The following SLC38A1 variants were observed in gnomAD, a reference collection of about 807,000 sequenced individuals.
The protein encoded by SLC38A1 is solute carrier family 38 member 1.
SLC38A1 carries 18 observed loss-of-function variants against 60.3 expected under a neutral mutation model. The observed-to-expected ratio is 0.30, with a 90% CI of 0.21 to 0.44. SLC38A1 has a LOEUF of 0.44. SLC38A1 is among the 20% of genes least tolerant of loss of function. The pLI, the probability that SLC38A1 is intolerant of heterozygous loss-of-function variation, is 1.00. For synonymous variants in SLC38A1, 196 were observed against 212.1 expected, an observed-to-expected ratio of 0.92 and a Z score of 0.66; for missense variants, 448 against 587.2, an observed-to-expected ratio of 0.76 and a Z score of 2.45.
chr12:46,247,121 C>T (rs1321894339), intron 1 of SLC38A1, among the ~76,000 whole-genome samples: 1 of 152,164 alleles, frequency 6.6e-6, no homozygotes, highest in Non-Finnish European at 1.5e-5. Flanking sequence ...CAGAGCGCCT[C>T]TTCTCCTCCA....
intron 5 of SLC38A1, 136 bp downstream of exon 5, chr12:46,229,017 T>C (rs1018834057): frequency 2.0e-6 from 1 of 506,984 alleles, no homozygotes; most frequent in Non-Finnish European, 3.5e-6. Flanking sequence ...GCAATAAATA[T>C]CAAAGTATGT....
At chr12:46,190,228 G>T (rs1361369197) in intron 16 of SLC38A1, among the ~76,000 whole-genome samples, 2 of 152,046 alleles carry the variant, frequency 1.3e-5, no homozygotes, top group South Asian at 4.2e-4. Flanking sequence ...TAAAATGATG[G>T]TTTCTAGCTT....
chr12:46,228,303 A>C (rs537384945), intron 5 of SLC38A1, among the ~76,000 whole-genome samples: 1 of 152,204 alleles, frequency 6.6e-6, no homozygotes, highest in Non-Finnish European at 1.5e-5. Flanking sequence ...TTTTGAAAGG[A>C]TATCCACAGT....
At chr12:46,205,307 A>G (rs2137152042) in intron 9 of SLC38A1, among the ~76,000 whole-genome samples, 1 of 152,296 alleles carries the variant, frequency 6.6e-6, no homozygotes, top group African/African-American at 2.4e-5. Context: ...AAAAAAATCT[A>G]TTTATAAACC....
At chr12:46,232,834 A>G (rs1300955101) in intron 3 of SLC38A1, among the ~76,000 whole-genome samples, 1 of 152,244 alleles carries the variant, frequency 6.6e-6, no homozygotes, top group Non-Finnish European at 1.5e-5. Context: ...TAGACTACTT[A>G]TAATACCTAA....
chr12:46,194,084 T>C (rs1290219623), intron 16 of SLC38A1, among the ~76,000 whole-genome samples: 4 of 152,232 alleles, frequency 2.6e-5, no homozygotes, highest in Non-Finnish European at 5.9e-5. Context: ...GTTGGTCCTT[T>C]CCATGTTTAG....
intron 1 of SLC38A1, among the ~76,000 whole-genome samples, chr12:46,259,272 T>G (rs1366020449): frequency 6.6e-6 from 1 of 152,178 alleles, no homozygotes; most frequent in Non-Finnish European, 1.5e-5. Flanking sequence ...CTTGGGGTTC[T>G]TGGATCCTCA....
At chr12:46,205,990 G>T in intron 9 of SLC38A1, 90 bp downstream of exon 9, 1 of 721,462 alleles carries the variant, frequency 1.4e-6, no homozygotes, top group Non-Finnish European at 2.4e-6. Context: ...GCATGCAGAG[G>T]GGAAGCAGAG....
intron 16 of SLC38A1, among the ~76,000 whole-genome samples, chr12:46,195,237 G>C (rs1164490924): frequency 6.6e-6 from 1 of 151,216 alleles, no homozygotes; most frequent in Non-Finnish European, 1.5e-5. Context: ...GTCCACTCCA[G>C]AATCTGTTTG....
At chr12:46,216,154 T>A (rs1236440641) in intron 5 of SLC38A1, among the ~76,000 whole-genome samples, 1 of 152,176 alleles carries the variant, frequency 6.6e-6, no homozygotes, top group Non-Finnish European at 1.5e-5. Context: ...ATCTTCACCT[T>A]GCACTTTCCC....
intron 1 of SLC38A1, among the ~76,000 whole-genome samples, chr12:46,261,437 A>C: frequency 6.6e-6 from 1 of 152,184 alleles, no homozygotes; most frequent in East Asian, 1.9e-4. Context: ...TACATCTCAA[A>C]GGTCTAGTAT....
At chr12:46,248,649 C>A (rs562837277) in intron 1 of SLC38A1, among the ~76,000 whole-genome samples, 2 of 152,182 alleles carry the variant, frequency 1.3e-5, no homozygotes, top group African/African-American at 4.8e-5. Flanking sequence ...AAGACTTGAA[C>A]TCATCTTTGC....
rs779136486 is a variant in SLC38A1, at chr12:46,239,744, G to A, written c.57C>T (p.Pro19=). The A allele has an allele frequency of 1.9e-5, 31 of 1,612,966 alleles. No individual in the cohort carries two copies. The highest frequency in any genetic ancestry group is 8.8e-5 in the South Asian group (8 of 91,056). ...ELTELQNMTV[P]EDDNISNDSN... is the part of the protein sequence containing the mutation. Reference sequence around the variant, plus strand: ...AGTCATTGCTAATGTTATCATCCTCGGGCACTGTCATGTTTTGCAACTCAG... The same window carrying A: ...AGTCATTGCTAATGTTATCATCCTCAGGCACTGTCATGTTTTGCAACTCAG... The change falls in exon 3 of 17, where the codon CCC becomes CCT. Residue 19 remains proline, a synonymous_variant. Coordinates refer to ENST00000398637, the MANE Select transcript of SLC38A1 (RefSeq NM_030674.4).
chr12:46,208,363 T>C (rs1168071811), intron 6 of SLC38A1, among the ~76,000 whole-genome samples: 2 of 152,226 alleles, frequency 1.3e-5, no homozygotes, highest in African/African-American at 2.4e-5. Context: ...CGGAGAGCAA[T>C]ATGGGACAGG....
chr12:46,229,795 C>T (rs1164416791), intron 3 of SLC38A1, among the ~76,000 whole-genome samples, 156 bp from the exon 4 acceptor site: 3 of 152,210 alleles, frequency 2.0e-5, no homozygotes, highest in Non-Finnish European at 4.4e-5. Context: ...CTCCCCCCAC[C>T]TTTTTTTCTT....
chr12:46,225,276 C>G (rs997312592), intron 5 of SLC38A1, among the ~76,000 whole-genome samples: 5 of 152,118 alleles, frequency 3.3e-5, no homozygotes, highest in Non-Finnish European at 7.3e-5. Context: ...ATCTGTTGAA[C>G]TTTTTTCAAG....
intron 5 of SLC38A1, among the ~76,000 whole-genome samples, chr12:46,215,286 C>A (rs1349631868): frequency 6.6e-6 from 1 of 152,226 alleles, no homozygotes; most frequent in Non-Finnish European, 1.5e-5. Context: ...CCCACGGCTA[C>A]CCAAGTAAGG....
At chr12:46,215,252 G>C (rs1940353822) in intron 5 of SLC38A1, among the ~76,000 whole-genome samples, 1 of 152,170 alleles carries the variant, frequency 6.6e-6, no homozygotes, top group South Asian at 2.1e-4. Flanking sequence ...CAACACTGCA[G>C]CTCAGTTACC....
rs543209383 is a variant in SLC38A1, at chr12:46,223,317, G to T, written c.314+5836C>A. Among the ~76,000 whole-genome samples the T allele has an allele frequency of 3.3e-5, 5 of 152,248 alleles. No individual in the cohort carries two copies. The East Asian group carries it at 9.7e-4, about 29-fold the overall frequency. On this transcript the variant is annotated intron_variant, in intron 5 of 16. Transcript: ENST00000398637. ...GGATTAAGATAGTGTAGCATATATAGATACTGTTCAGTAAATGTTAGCCAT... is the reference window on the plus strand; with the variant it reads ...GGATTAAGATAGTGTAGCATATATATATACTGTTCAGTAAATGTTAGCCAT...
Sources: allele counts gnomAD v4.1 joint callset (sites outside exome capture counted in the v4.1 genomes callset), GRCh38; gene constraint gnomAD v4.1.1; transcripts MANE v1.5; gene names NCBI Gene and HGNC (gene_info 2026-07-23, HGNC 2026-07-21).